INSL6: variants seen among roughly 807,000 people sequenced by gnomAD.
The protein encoded by INSL6 is insulin like 6, also known as insulin-like peptide INSL6.
In INSL6, 16 loss-of-function variants were observed where a neutral mutation model predicts 9.4. The observed-to-expected ratio is 1.70, with a 90% CI of 1.15 to 2.59. The LOEUF is 2.59. Ranked by LOEUF, INSL6 falls within the 30% of genes most tolerant of loss-of-function variation. The pLI, the probability that INSL6 is intolerant of heterozygous loss-of-function variation, is 0.00. For missense variants in INSL6, 391 were observed against 257.3 expected (o/e 1.52, Z -3.56); for synonymous variants, 154 against 96.9 (o/e 1.59, Z -3.46).
At chr9:5,094,177 A>C in the INSL6 span, 1 of 152,108 alleles carries the variant, frequency 6.6e-6, no homozygotes, top group Non-Finnish European at 1.5e-5. Flanking sequence ...CAGTTACGCA[A>C]AGGACCTGAT....
intron 2 of INSL6, among the ~76,000 whole-genome samples, chr9:5,145,503 G>C (rs1034556519): frequency 5.9e-5 from 9 of 152,180 alleles, no homozygotes; most frequent in African/African-American, 1.9e-4. Context: ...ACGTTTGCCT[G>C]TCTTGCTAGG....
At chr9:5,085,353 G>A in the INSL6 span, 25 of 892,588 alleles carry the variant, frequency 2.8e-5, no homozygotes, top group South Asian at 2.7e-4. Context: ...CATTTTTTCC[G>A]TACTGATAGG....
At chr9:5,148,391 T>C in intron 2 of INSL6, among the ~76,000 whole-genome samples, 1 of 152,200 alleles carries the variant, frequency 6.6e-6, no homozygotes, top group East Asian at 1.9e-4. Context: ...TGCAGCTGTA[T>C]TCTGCCATGT....
At chr9:5,074,915 A>G in the INSL6 span, among the ~76,000 whole-genome samples, 3 of 152,174 alleles carry the variant, frequency 2.0e-5, no homozygotes, top group African/African-American at 7.2e-5. Context: ...TTATGAATCC[A>G]AAGGAAAAGT....
At chr9:5,053,483 G>A in the INSL6 span, among the ~76,000 whole-genome samples, 4 of 152,078 alleles carry the variant, frequency 2.6e-5, no homozygotes, top group East Asian at 7.7e-4. Flanking sequence ...TTTTAATTTT[G>A]AAGTAGTCTA....
At chr9:5,072,576 A>G in the INSL6 span, 14 of 1,610,644 alleles carry the variant, frequency 8.7e-6, no homozygotes, top group Middle Eastern at 1.6e-4. Flanking sequence ...ACTGCATGAA[A>G]CAGAAGTTCT....
At chr9:5,105,551 C>T in the INSL6 span, among the ~76,000 whole-genome samples, 1 of 152,124 alleles carries the variant, frequency 6.6e-6, no homozygotes, top group Non-Finnish European at 1.5e-5. Context: ...TTTCATAGAA[C>T]TGGAAACAAC....
chr9:5,157,560 C>A (rs912238832), intron 2 of INSL6, among the ~76,000 whole-genome samples: 1 of 152,010 alleles, frequency 6.6e-6, no homozygotes, highest in South Asian at 2.1e-4. Context: ...TTTCACCACA[C>A]AGAAAAATGA....
downstream of INSL6, among the ~76,000 whole-genome samples, chr9:5,159,034 CTTGT>C (rs1207204660): frequency 1.3e-5 from 2 of 151,984 alleles, no homozygotes; most frequent in African/African-American, 2.4e-5. Context: ...TTTCTTTTTG[CTTGT>C]TTGTTTATGC....
the INSL6 span, chr9:5,112,828 C>T: frequency 1.8e-6 from 1 of 559,546 alleles, no homozygotes. Context: ...GTGAAGCCCA[C>T]AACCCCGCTG....
the INSL6 span, chr9:5,081,977 G>C: frequency 1.2e-6 from 1 of 852,156 alleles, no homozygotes; most frequent in Non-Finnish European, 1.8e-6. Flanking sequence ...AGAAAAAAAA[G>C]GTTTGGTTGT....
the INSL6 span, chr9:5,044,334 C>A: frequency 5.5e-6 from 5 of 906,980 alleles, no homozygotes; most frequent in Non-Finnish European, 9.1e-6. Flanking sequence ...CTGTAGGTGA[C>A]TATATATAGA....
chr9:5,134,896 T>A (rs933091440), intron 2 of INSL6, among the ~76,000 whole-genome samples: 4 of 152,070 alleles, frequency 2.6e-5, no homozygotes, highest in Admixed American at 2.0e-4. Context: ...CACTGGCAAA[T>A]TGGATAGAGT....
intron 1 of INSL6, among the ~76,000 whole-genome samples, chr9:5,173,890 T>A (rs1350426594): frequency 6.6e-6 from 1 of 152,192 alleles, no homozygotes; most frequent in African/African-American, 2.4e-5. Context: ...CAATCACAGC[T>A]GGATTTGCTT....
chr9:5,047,320 G>A, the INSL6 span, among the ~76,000 whole-genome samples: 3 of 152,126 alleles, frequency 2.0e-5, no homozygotes, highest in African/African-American at 7.2e-5. Flanking sequence ...TGTCTTTAAA[G>A]TTCTTAAGAC....
the INSL6 span, chr9:5,085,078 A>G: frequency 1.5e-6 from 1 of 678,168 alleles, no homozygotes; most frequent in Admixed American, 1.8e-5. Context: ...GCTCTCTCTT[A>G]TTGCTTCATG....
chr9:5,042,624 C>T, the INSL6 span, among the ~76,000 whole-genome samples: 5 of 137,182 alleles, frequency 3.6e-5, no homozygotes, highest in African/African-American at 1.2e-4. Flanking sequence ...CCCCCGTTAG[C>T]GTCATAAAGT....
chr9:5,028,600 T>C, the INSL6 span, among the ~76,000 whole-genome samples: 5 of 152,372 alleles, frequency 3.3e-5, no homozygotes, highest in East Asian at 7.7e-4. Context: ...CTTCTTCCAA[T>C]AGAAGGCTGT....
chr9:5,121,471 A>G (rs1823610772), downstream of INSL6, among the ~76,000 whole-genome samples: 1 of 152,136 alleles, frequency 6.6e-6, no homozygotes, highest in South Asian at 2.1e-4. Context: ...TCATATCTTC[A>G]TGACAGGAGG....
Sources: gnomAD v4.1 joint callset for allele counts (sites outside exome capture counted in the v4.1 genomes callset) on GRCh38, gnomAD v4.1.1 for gene constraint, MANE v1.5 for transcripts, NCBI Gene and HGNC (gene_info 2026-07-23, HGNC 2026-07-21) for gene names.